PARD3B: variants seen among roughly 807,000 people sequenced by gnomAD.
PARD3B encodes par-3 family cell polarity regulator beta.
PARD3B carries 103 observed loss-of-function variants against 130.2 expected under a neutral mutation model. The observed-to-expected ratio is 0.79, with a 90% CI of 0.67 to 0.93. The LOEUF (loss-of-function observed/expected upper bound fraction) is 0.93, where lower values mean the gene tolerates loss of function less well. Among genes scored for constraint, PARD3B ranks in the 40% least tolerant of loss-of-function variants. The probability of loss-of-function intolerance (pLI) is 0.00; values close to 1 mark genes in which losing one functional copy is unlikely to be tolerated. For synonymous variants in PARD3B, 583 were observed against 553.2 expected (o/e 1.05, Z -0.76); for missense variants, 1,609 against 1,499.2 (o/e 1.07, Z -1.21).
At chr2:205,597,314 C>T (rs937071119) in intron 22 of PARD3B, among the ~76,000 whole-genome samples, 10 of 152,188 alleles carry the variant, frequency 6.6e-5, no homozygotes, top group African/African-American at 1.9e-4. Context: ...ACTTAGGGCA[C>T]TGGCCTCTGG....
rs186987857 is a variant in PARD3B, at chr2:204,583,704, G to A, written c.120+37585G>A. On this transcript the variant is annotated intron_variant, in intron 1 of 22. Transcript: ENST00000406610. ...TGTGAGGTGTCTGAGGACCACCTGCGTGAGAATCCCCTCGGGTTATTACAT... is the reference window on the plus strand; with the variant it reads ...TGTGAGGTGTCTGAGGACCACCTGCATGAGAATCCCCTCGGGTTATTACAT... Among the ~76,000 whole-genome samples, 86 of 151,028 alleles carry A rather than the reference G, an allele frequency of 5.7e-4. 1 individual carries two copies. The highest frequency in any genetic ancestry group is 1.5e-3 in the African/African-American group (61 of 41,098).
Position 205,301,367 on chromosome 2 carries a change from G to A in PARD3B, c.2393-97G>A, listed in dbSNP as rs1419847813. 93 of 1,523,698 alleles carry A rather than the reference G, an allele frequency of 6.1e-5. No homozygotes were observed. In the East Asian group the frequency reaches 2.0e-3, roughly 33 times the overall value. The allele number at this position is 1,523,698 out of a possible 1,614,324, so 94.4% of individuals were successfully genotyped here. A position where few individuals can be genotyped will look rare whatever the true frequency, so the allele number is the denominator to read the frequency against. On this transcript the variant is annotated intron_variant, in intron 17 of 22. Transcript: ENST00000406610. This position sits in a 1 kb window ranked among gnomAD's most constrained non-coding sequence, Gnocchi z 5.2. ...TAGAAGGGTAGAACTACAGAGTGCT[G>A]TTATTCATTCTTTTGCATTTTACAT...
intron 4 of PARD3B, among the ~76,000 whole-genome samples, chr2:205,068,165 T>C (rs1048819933): frequency 6.6e-6 from 1 of 152,172 alleles, no homozygotes; most frequent in African/African-American, 2.4e-5. Context: ...TGTTTCTCTG[T>C]TTGGGGATGG....
At chr2:205,556,740 GC>G in intron 22 of PARD3B, among the ~76,000 whole-genome samples, 1 of 152,210 alleles carries the variant, frequency 6.6e-6, no homozygotes, top group South Asian at 2.1e-4. Flanking sequence ...AGCCTCAACA[GC>G]CCCCAGTTTT....
chr2:205,333,028 A>G (rs891005205), intron 18 of PARD3B, among the ~76,000 whole-genome samples: 2 of 152,206 alleles, frequency 1.3e-5, no homozygotes, highest in Non-Finnish European at 2.9e-5. Flanking sequence ...GAAATGAATA[A>G]TAGTTAACTC....
In PARD3B at chr2:204,669,969, T is replaced by C. The variant is rs1262128398; in HGVS notation, c.121-16212T>C. Among the ~76,000 whole-genome samples, 1 of 152,178 alleles carries C rather than the reference T, an allele frequency of 6.6e-6. No homozygotes were observed. The highest frequency in any genetic ancestry group is 1.5e-5 in the Non-Finnish European group (1 of 68,022). ...AAAAGTTGGGGGACTCTAAATTCAC[T>C]AAGTTCCCATGAATGATTTCAGAAA... On this transcript the variant is annotated intron_variant, in intron 1 of 22. Coordinates refer to ENST00000406610, the MANE Select transcript of PARD3B (RefSeq NM_001302769.2). The surrounding 1 kb of genome is among the most constrained non-coding windows in gnomAD (Gnocchi z 4.3).
intron 22 of PARD3B, among the ~76,000 whole-genome samples, chr2:205,566,774 G>A (rs958131277): frequency 3.9e-5 from 6 of 152,142 alleles, no homozygotes; most frequent in Non-Finnish European, 8.8e-5. Context: ...CCACAGAGTC[G>A]CATACTCAGA....
intron 2 of PARD3B, among the ~76,000 whole-genome samples, chr2:204,889,211 A>G (rs1353728379): frequency 1.3e-5 from 2 of 152,132 alleles, no homozygotes; most frequent in African/African-American, 4.8e-5. Flanking sequence ...CATCAAATCT[A>G]TTGCTTCTCA....
intron 1 of PARD3B, among the ~76,000 whole-genome samples, chr2:204,622,742 T>C (rs1469506643): frequency 6.6e-6 from 1 of 152,162 alleles, no homozygotes; most frequent in African/African-American, 2.4e-5. Flanking sequence ...AGGCCAGCTA[T>C]AAATTCAGAT....
At chr2:205,087,600 A>C (rs1701817516) in intron 4 of PARD3B, among the ~76,000 whole-genome samples, 1 of 152,202 alleles carries the variant, frequency 6.6e-6, no homozygotes, top group Non-Finnish European at 1.5e-5. Context: ...ACTGTTACAA[A>C]TGAGAGTAAT....
chr2:205,138,152 C>A (rs1350016614), intron 10 of PARD3B, among the ~76,000 whole-genome samples: 3 of 152,094 alleles, frequency 2.0e-5, no homozygotes, highest in Non-Finnish European at 4.4e-5. Context: ...CGTTTAATTT[C>A]TTGAGTCTTA....
intron 2 of PARD3B, among the ~76,000 whole-genome samples, chr2:204,705,188 C>T (rs1044546116): frequency 1.3e-5 from 2 of 152,160 alleles, no homozygotes; most frequent in African/African-American, 4.8e-5. Context: ...GGTTTATTTT[C>T]ACTATGTTTA....
chr2:205,403,989 C>T (rs983576062), intron 19 of PARD3B, among the ~76,000 whole-genome samples: 2 of 152,126 alleles, frequency 1.3e-5, no homozygotes, highest in Non-Finnish European at 2.9e-5. Context: ...CCCAGCACCC[C>T]TCATGCACAC....
In PARD3B at chr2:205,470,549, G is replaced by C. The variant is rs187835651; in HGVS notation, c.3045-29347G>C. On this transcript the variant is annotated intron_variant, in intron 20 of 22. Coordinates refer to ENST00000406610, the MANE Select transcript of PARD3B (RefSeq NM_001302769.2). This position sits in a 1 kb window ranked among gnomAD's most constrained non-coding sequence, Gnocchi z 4.8. ...CATCAGATCTCTTTTGTCCATTCAG[G>C]TTGTCCTGTCTAGATAATGAGAATT... Among the ~76,000 whole-genome samples, 5 of 152,150 alleles carry C rather than the reference G, an allele frequency of 3.3e-5. No homozygotes were observed. Among genetic ancestry groups the C allele is most frequent in the African/African-American group, 1.2e-4 (5 of 41,438 alleles).
intron 2 of PARD3B, among the ~76,000 whole-genome samples, chr2:204,916,089 C>A (rs1436203999): frequency 6.6e-6 from 1 of 152,076 alleles, no homozygotes; most frequent in Non-Finnish European, 1.5e-5. Flanking sequence ...CATGTTAGCA[C>A]AAATAGCCAT....
intron 3 of PARD3B, among the ~76,000 whole-genome samples, chr2:204,992,096 T>A (rs1466430552): frequency 6.6e-6 from 1 of 151,916 alleles, no homozygotes; most frequent in African/African-American, 2.4e-5. Flanking sequence ...ATCCCATTTG[T>A]CAATTTTGGC....
At chr2:204,683,812 A>G (rs760529191) in intron 1 of PARD3B, among the ~76,000 whole-genome samples, 3 of 152,176 alleles carry the variant, frequency 2.0e-5, no homozygotes, top group Non-Finnish European at 2.9e-5. Flanking sequence ...TTCTGACACC[A>G]TGTTTTTCAC....
In PARD3B at chr2:205,352,514, A is replaced by G. The variant is rs1454760785; in HGVS notation, c.2631-48499A>G. On this transcript the variant is annotated intron_variant, in intron 18 of 22. Coordinates refer to ENST00000406610, the MANE Select transcript of PARD3B (RefSeq NM_001302769.2). The surrounding 1 kb of genome is among the most constrained non-coding windows in gnomAD (Gnocchi z 5.2). ...ATCTGGGATTTCATTCGGTTGATTAATACCTATAGGAGAAGAGACTATTTG... is the reference window on the plus strand; with the variant it reads ...ATCTGGGATTTCATTCGGTTGATTAGTACCTATAGGAGAAGAGACTATTTG... Among the ~76,000 whole-genome samples the G allele has an allele frequency of 6.6e-6, 1 of 152,232 alleles. No homozygotes were observed. The highest frequency in any genetic ancestry group is 2.4e-5 in the African/African-American group (1 of 41,464).
At chr2:205,382,581 C>A (rs1198804118) in intron 18 of PARD3B, among the ~76,000 whole-genome samples, 1 of 152,008 alleles carries the variant, frequency 6.6e-6, no homozygotes, top group Non-Finnish European at 1.5e-5. Context: ...TTTTACCATC[C>A]ATTAGTGGTT....
Sources: allele counts gnomAD v4.1 joint callset (sites outside exome capture counted in the v4.1 genomes callset), GRCh38; gene constraint gnomAD v4.1.1; non-coding constraint Gnocchi (gnomAD v3.1); transcripts MANE v1.5; gene names NCBI Gene and HGNC (gene_info 2026-07-23, HGNC 2026-07-21).